GFPT2: variants seen among roughly 807,000 people sequenced by gnomAD.
GFPT2 encodes the protein glutamine--fructose-6-phosphate transaminase 2.
GFPT2 carries 62 observed loss-of-function variants against 85.6 expected under a neutral mutation model. The ratio of observed to expected loss-of-function variants is 0.72; its 90% CI spans 0.59 to 0.90. The LOEUF (loss-of-function observed/expected upper bound fraction) is 0.90, where lower values mean the gene tolerates loss of function less well. Ranked by LOEUF, GFPT2 falls within the 40% of genes least tolerant of loss-of-function variation. The pLI, the probability that GFPT2 is intolerant of heterozygous loss-of-function variation, is 0.00. For missense variants in GFPT2, 788 were observed against 893.4 expected (o/e 0.88, Z 1.50); for synonymous variants, 368 against 344.5 (o/e 1.07, Z -0.75).
At chr5:180,339,915 G>A (rs1163164904) in intron 1 of GFPT2, among the ~76,000 whole-genome samples, 1 of 152,242 alleles carries the variant, frequency 6.6e-6, no homozygotes, top group Non-Finnish European at 1.5e-5. Flanking sequence ...CTGTATCCCT[G>A]GAGGGAGGCA....
intron 8 of GFPT2, 50 bp from the exon 9 acceptor site, chr5:180,324,355 C>T (rs375656213): frequency 9.4e-7 from 1 of 1,062,704 alleles, no homozygotes; most frequent in African/African-American, 1.6e-5. Flanking sequence ...GTTTTGTTTG[C>T]ATAATATGCA....
Position 180,328,211 on chromosome 5 carries a change from T to C in GFPT2, c.596+66A>G. 1.7e-6 allele frequency: 2 copies of C among 1,203,188 alleles called. No individual in the cohort carries two copies. The highest frequency in any genetic ancestry group is 2.5e-6 in the Non-Finnish European group (2 of 805,344). The allele number at this position is 1,203,188 out of a possible 1,614,324, so 74.5% of individuals were successfully genotyped here. A position where few individuals can be genotyped will look rare whatever the true frequency, so the allele number is the denominator to read the frequency against. ...TGCCACAGGCCCTACCTCTCCCGTC[T>C]CCCTCCAGCTAAGTGATTTTATTTT... On this transcript the variant is annotated intron_variant, in intron 7 of 18. Coordinates refer to ENST00000253778, the MANE Select transcript of GFPT2 (RefSeq NM_005110.4). This position sits in a 1 kb window ranked among gnomAD's most constrained non-coding sequence, Gnocchi z 5.4.
At position 180,323,014 on chromosome 5, in the gene GFPT2, G is replaced by A. The variant is rs1417244268; in HGVS notation, c.794+1174C>T. On this transcript the variant is annotated intron_variant, in intron 9 of 18. Coordinates refer to ENST00000253778, the MANE Select transcript of GFPT2 (RefSeq NM_005110.4). The surrounding 1 kb of genome is among the most constrained non-coding windows in gnomAD (Gnocchi z 4.0). Reference sequence around the variant, plus strand: ...CACACCACTGCACTCCAGTCTGGGCGACAGAGTGAGACAAAATAAATAAAT... The same window carrying A: ...CACACCACTGCACTCCAGTCTGGGCAACAGAGTGAGACAAAATAAATAAAT... Among the ~76,000 whole-genome samples the A allele has an allele frequency of 6.6e-6, 1 of 151,966 alleles. No individual in the cohort carries two copies. Among genetic ancestry groups the A allele is most frequent in the East Asian group, 1.9e-4 (1 of 5,186 alleles).
At position 180,319,787 on chromosome 5, in the gene GFPT2, C is replaced by G. The variant is rs1366513293; in HGVS notation, c.795-831G>C. Among the ~76,000 whole-genome samples the G allele has an allele frequency of 2.6e-4, 39 of 152,124 alleles. 1 individual carries two copies. The highest frequency in any genetic ancestry group is 2.6e-3 in the Admixed American group (39 of 15,270). ...AACCTGAATAAGATCGAGCTTTTAA[C>G]ACTTGTAAACTCCAGCGTACAGGAA... On this transcript the variant is annotated intron_variant, in intron 9 of 18. Transcript: ENST00000253778.
At chr5:180,349,905 T>C (rs1256498093) in intron 1 of GFPT2, among the ~76,000 whole-genome samples, 2 of 151,716 alleles carry the variant, frequency 1.3e-5, no homozygotes, top group Non-Finnish European at 1.5e-5. Flanking sequence ...CCTCACAGAT[T>C]ACTAAGTGCA....
chr5:180,321,231 G>A (rs187719320), intron 9 of GFPT2, among the ~76,000 whole-genome samples: 15 of 150,780 alleles, frequency 9.9e-5, no homozygotes, highest in African/African-American at 3.2e-4. Flanking sequence ...AAGTAAAAAC[G>A]GCCCTATCCT....
At chr5:180,327,749 G>A (rs1476729692) in intron 7 of GFPT2, among the ~76,000 whole-genome samples, 1 of 152,144 alleles carries the variant, frequency 6.6e-6, no homozygotes, top group Admixed American at 6.5e-5. Context: ...ATGCAGCACT[G>A]GGGGCCCACC....
At position 180,307,292 on chromosome 5, in the gene GFPT2, C is replaced by T; in HGVS notation, c.1558G>A (p.Glu520Lys). The change falls in exon 16 of 19, where the codon GAA becomes AAA. Residue 520 changes from glutamate (E) to lysine (K), a missense_variant. Physicochemically the swap from Glu to Lys is moderately conservative, Grantham distance 56. Coordinates refer to ENST00000253778, the MANE Select transcript of GFPT2 (RefSeq NM_005110.4). The stretch of plus-strand genomic sequence containing the variant: ...ATCTTCTCCTCCAGAGACAGCACTT[C>T]CTTGATCAGCTCTGGGCCATGCACG... ...GLRSLPELIK[E>K]VLSLEEKIHD... is the part of the protein sequence containing the mutation. 1 of 1,614,048 alleles carries T rather than the reference C, an allele frequency of 6.2e-7. No individual in the cohort carries two copies. Among genetic ancestry groups the T allele is most frequent in the African/African-American group, 1.3e-5 (1 of 75,054 alleles).
At chr5:180,316,309 G>A (rs1764008569) in intron 13 of GFPT2, 32 bp downstream of exon 13, 2 of 1,612,614 alleles carry the variant, frequency 1.2e-6, no homozygotes, top group Admixed American at 1.7e-5. Flanking sequence ...CTGACCTGAT[G>A]CAAGGCTGGC....
chr5:180,353,334 GCTCCCGTCCGCT>G, exon 1 of GFPT2: 2 of 698,872 alleles, frequency 2.9e-6, no homozygotes, highest in Non-Finnish European at 3.6e-6. Flanking sequence ...GCGGGCTCCA[GCTCCCGTCCGCT>G]CGGCCTCCAG....
chr5:180,306,678 C>A (rs554113715), intron 16 of GFPT2, among the ~76,000 whole-genome samples: 1 of 152,264 alleles, frequency 6.6e-6, no homozygotes, highest in South Asian at 2.1e-4. Context: ...TGAGGGGTAA[C>A]AAGGAAACTC....
At chr5:180,322,843 T>C (rs1764145278) in intron 9 of GFPT2, among the ~76,000 whole-genome samples, 1 of 152,040 alleles carries the variant, frequency 6.6e-6, no homozygotes, top group Non-Finnish European at 1.5e-5. Context: ...GAGACAATCC[T>C]GGCTAACACA....
intron 5 of GFPT2, chr5:180,331,050 T>A: frequency 1.8e-6 from 1 of 567,926 alleles, no homozygotes; most frequent in South Asian, 2.4e-5. Context: ...AAGCTCACCC[T>A]TGCCACTAAT....
chr5:180,342,407 G>GTTTTTTTT (rs757456841), intron 1 of GFPT2, among the ~76,000 whole-genome samples: 3 of 109,334 alleles, frequency 2.7e-5, no homozygotes, highest in Admixed American at 1.1e-4. Context: ...TAGGTGAAAT[G>GTTTTTTTT]TTTTTTTTTT....
At chr5:180,315,391 G>A (rs1288054986) in intron 13 of GFPT2, among the ~76,000 whole-genome samples, 1 of 152,100 alleles carries the variant, frequency 6.6e-6, no homozygotes, top group Non-Finnish European at 1.5e-5. Flanking sequence ...TGTGAGCCAG[G>A]ATGGCCTCAA....
chr5:180,319,140 C>T (rs1764071339), intron 9 of GFPT2, among the ~76,000 whole-genome samples, 184 bp from the exon 10 acceptor site: 1 of 152,182 alleles, frequency 6.6e-6, no homozygotes, highest in Admixed American at 6.5e-5. Flanking sequence ...CCCTCCTGTC[C>T]CCACGGAATT....
rs1163921464 is a variant in GFPT2 at position 180,312,429 on chromosome 5, C to A, written c.1546+1G>T. 1 of 1,489,384 alleles carries A rather than the reference C, an allele frequency of 6.7e-7. No homozygotes were observed. Among genetic ancestry groups the A allele is most frequent in the Non-Finnish European group, 9.4e-7 (1 of 1,066,122 alleles). 92.3% of individuals were successfully genotyped at this position (1,489,384 alleles called of 1,614,324 possible). A position where few individuals can be genotyped will look rare whatever the true frequency, so the allele number is the denominator to read the frequency against. ...ATGGAAAGCTGAATTCTAGAACATA[C>A]CAGGTAAAGATCTCAAGCCACGGAT... On this transcript the variant is annotated splice_donor_variant, in intron 15 of 18. Coordinates refer to ENST00000253778, the MANE Select transcript of GFPT2 (RefSeq NM_005110.4). LOFTEE classifies it high-confidence loss of function.
chr5:180,348,388 G>A (rs957376126), intron 1 of GFPT2, among the ~76,000 whole-genome samples: 3 of 152,278 alleles, frequency 2.0e-5, no homozygotes, highest in African/African-American at 7.2e-5. Flanking sequence ...GGGCTGCTGA[G>A]GAGCTGTGGC....
intron 9 of GFPT2, among the ~76,000 whole-genome samples, chr5:180,322,409 T>C (rs1300106385): frequency 2.6e-5 from 4 of 152,240 alleles, no homozygotes; most frequent in Admixed American, 6.5e-5. Context: ...TCTCCAAATA[T>C]GTTCTAGAGT....
Sources: gnomAD v4.1 joint callset for allele counts (sites outside exome capture counted in the v4.1 genomes callset) on GRCh38, gnomAD v4.1.1 for gene constraint, Gnocchi (gnomAD v3.1) non-coding constraint, MANE v1.5 for transcripts, NCBI Gene and HGNC (gene_info 2026-07-23, HGNC 2026-07-21) for gene names.